The following DIAPH3 variants were observed in gnomAD, a reference collection of about 807,000 sequenced individuals.
DIAPH3 encodes the protein diaphanous related formin 3.
A neutral mutation model predicts 144.3 loss-of-function variants in DIAPH3; 117 were observed. The observed-to-expected ratio is 0.81, with a 90% CI of 0.70 to 0.95. DIAPH3 has a LOEUF of 0.95. Ranked by LOEUF, DIAPH3 falls within the 40% of genes least tolerant of loss-of-function variation. The pLI is 0.00. For synonymous variants in DIAPH3, 519 were observed against 488.9 expected (o/e 1.06, Z -0.81); for missense variants, 1,421 against 1,412.7 (o/e 1.01, Z -0.09).
At chr13:59,923,382 T>C (rs1183502484) in intron 18 of DIAPH3, among the ~76,000 whole-genome samples, 1 of 152,134 alleles carries the variant, frequency 6.6e-6, no homozygotes, top group Non-Finnish European at 1.5e-5. Flanking sequence ...GCTTTGAACC[T>C]AGACAAAGTT....
intron 27 of DIAPH3, among the ~76,000 whole-genome samples, chr13:59,718,728 CT>C (rs1347022930): frequency 6.6e-6 from 1 of 151,820 alleles, no homozygotes; most frequent in Non-Finnish European, 1.5e-5. Context: ...TGTAATATTT[CT>C]TTTTTTTAAG....
chr13:60,145,390 G>A (rs969297941), intron 1 of DIAPH3, among the ~76,000 whole-genome samples: 2 of 152,198 alleles, frequency 1.3e-5, no homozygotes, highest in South Asian at 2.1e-4. Context: ...AGTGGCTCAC[G>A]CCTGTAATCC....
At chr13:59,834,915 G>C (rs1216001835) in intron 23 of DIAPH3, among the ~76,000 whole-genome samples, 1 of 151,642 alleles carries the variant, frequency 6.6e-6, no homozygotes. Flanking sequence ...CCATTTGAGA[G>C]GTAGATAACA....
At chr13:59,953,087 A>G (rs1176754935) in intron 17 of DIAPH3, among the ~76,000 whole-genome samples, 1 of 152,146 alleles carries the variant, frequency 6.6e-6, no homozygotes, top group Non-Finnish European at 1.5e-5. Context: ...GACAAAGGAA[A>G]ACATGGCAGG....
intron 25 of DIAPH3, among the ~76,000 whole-genome samples, chr13:59,786,148 G>A (rs964786940): frequency 2.0e-5 from 3 of 152,024 alleles, no homozygotes; most frequent in African/African-American, 7.2e-5. Flanking sequence ...CAAAAAATAA[G>A]GCTACATTTT....
chr13:59,879,623 C>T (rs73543265), intron 20 of DIAPH3, among the ~76,000 whole-genome samples, 155 bp from the exon 21 acceptor site: 234 of 152,248 alleles, frequency 1.5e-3, no homozygotes, highest in African/African-American at 5.4e-3. Context: ...AAAAGCCCTG[C>T]TTGTTTTTGT....
chr13:59,810,970 C>A, intron 24 of DIAPH3, 47 bp from the exon 25 acceptor site: 2 of 1,530,262 alleles, frequency 1.3e-6, no homozygotes, highest in Non-Finnish European at 1.8e-6. Flanking sequence ...TGATTCATCC[C>A]GCAAAATGGA....
In DIAPH3 at chr13:60,155,523, T is replaced by A. The variant is rs532540589; in HGVS notation, c.180+8064A>T. On this transcript the variant is annotated intron_variant, in intron 1 of 27. Transcript: ENST00000400324. ...AGAAAGGAAAGAATGGCTGGGAAAATTCAGAGCAATTTCTTAGAACAGCAG... is the reference window on the plus strand; with the variant it reads ...AGAAAGGAAAGAATGGCTGGGAAAAATCAGAGCAATTTCTTAGAACAGCAG... Among the ~76,000 whole-genome samples, 14 of 152,286 alleles carry A rather than the reference T, an allele frequency of 9.2e-5. No individual in the cohort carries two copies. In the East Asian group the frequency reaches 2.7e-3, roughly 29 times the overall value.
intron 22 of DIAPH3, among the ~76,000 whole-genome samples, chr13:59,842,918 CA>C (rs1315594793): frequency 6.6e-6 from 1 of 152,150 alleles, no homozygotes; most frequent in Non-Finnish European, 1.5e-5. Context: ...GAAGCTCCCC[CA>C]ACCTCTTTCA....
chr13:59,906,993 T>A (rs1279857462), intron 20 of DIAPH3, among the ~76,000 whole-genome samples: 2 of 152,144 alleles, frequency 1.3e-5, no homozygotes, highest in Non-Finnish European at 1.5e-5. Context: ...CTCTACTCCA[T>A]CGGAATCAAC....
chr13:59,673,864 A>G (rs991198385), intron 27 of DIAPH3, among the ~76,000 whole-genome samples: 1 of 152,208 alleles, frequency 6.6e-6, no homozygotes, highest in African/African-American at 2.4e-5. Context: ...CCTAAGGACA[A>G]TAGGGGCTTC....
At chr13:59,816,793 A>G (rs9570209) in intron 24 of DIAPH3, among the ~76,000 whole-genome samples, 84,729 of 151,540 alleles carry the variant, frequency 0.56, 25,418 homozygotes, top group East Asian at 0.7. Context: ...TAAAGATCAA[A>G]TCACGGTAAT....
intron 4 of DIAPH3, among the ~76,000 whole-genome samples, chr13:60,058,431 A>C (rs750648686): frequency 3.3e-5 from 5 of 152,064 alleles, no homozygotes; most frequent in Non-Finnish European, 5.9e-5. Flanking sequence ...ACATTTATAC[A>C]CTGCTGGTGG....
intron 4 of DIAPH3, among the ~76,000 whole-genome samples, chr13:60,084,351 T>G (rs1327370920): frequency 6.6e-6 from 1 of 152,008 alleles, no homozygotes; most frequent in East Asian, 1.9e-4. Flanking sequence ...GTTTTTTTCT[T>G]TTCTAAAACC....
intron 1 of DIAPH3, among the ~76,000 whole-genome samples, chr13:60,158,225 A>G (rs1015491524): frequency 1.1e-4 from 17 of 152,202 alleles, no homozygotes; most frequent in Non-Finnish European, 2.9e-5. Flanking sequence ...TCTGTGGTCC[A>G]ATGAGATCTC....
intron 2 of DIAPH3, among the ~76,000 whole-genome samples, chr13:60,129,031 T>C (rs1366109383): frequency 2.0e-5 from 3 of 152,120 alleles, no homozygotes; most frequent in African/African-American, 7.2e-5. Flanking sequence ...TGCAGTCAGA[T>C]GAACAAAGAG....
At chr13:59,950,825 TAACTA>T (rs1386355192) in intron 17 of DIAPH3, among the ~76,000 whole-genome samples, 1 of 152,054 alleles carries the variant, frequency 6.6e-6, no homozygotes, top group African/African-American at 2.4e-5. Context: ...TATGTGGAAA[TAACTA>T]TATATATATA....
At chr13:60,154,147 T>C (rs968103876) in intron 1 of DIAPH3, among the ~76,000 whole-genome samples, 1 of 152,100 alleles carries the variant, frequency 6.6e-6, no homozygotes, top group African/African-American at 2.4e-5. Context: ...TTTTCAAATA[T>C]CCAATGTATT....
intron 27 of DIAPH3, among the ~76,000 whole-genome samples, chr13:59,765,389 A>G (rs2037818968): frequency 1.3e-5 from 2 of 152,220 alleles, no homozygotes; most frequent in Admixed American, 6.5e-5. Context: ...TAGCTACTCA[A>G]TTCTAGGCAC....
Sources: allele counts gnomAD v4.1 joint callset (sites outside exome capture counted in the v4.1 genomes callset), GRCh38; gene constraint gnomAD v4.1.1; transcripts MANE v1.5; gene names NCBI Gene and HGNC (gene_info 2026-07-23, HGNC 2026-07-21).